The following SMIM14 variants were observed in gnomAD, a reference collection of about 807,000 sequenced individuals.
SMIM14 encodes the protein chromosome 4 open reading frame 34.
SMIM14 carries 5 observed loss-of-function variants against 12.6 expected under a neutral mutation model. The observed-to-expected ratio is 0.40, with a 90% CI of 0.21 to 0.83. The LOEUF (loss-of-function observed/expected upper bound fraction) is 0.83, where lower values mean the gene tolerates loss of function less well. SMIM14 is among the 40% of genes least tolerant of loss of function. The pLI, the probability that SMIM14 is intolerant of heterozygous loss-of-function variation, is 0.37. For synonymous variants in SMIM14, 30 were observed against 40.1 expected (o/e 0.75, Z 0.95); for missense variants, 86 against 119.1 (o/e 0.72, Z 1.29).
chr4:39,586,800 T>C (rs1578335321), intron 2 of SMIM14, among the ~76,000 whole-genome samples: 1 of 152,090 alleles, frequency 6.6e-6, no homozygotes, highest in Admixed American at 6.6e-5. Flanking sequence ...ACAAATACTA[T>C]GGGCCAGGTA....
intron 1 of SMIM14, among the ~76,000 whole-genome samples, chr4:39,627,590 T>C (rs1262944751): frequency 6.6e-6 from 1 of 152,212 alleles, no homozygotes; most frequent in Non-Finnish European, 1.5e-5. Context: ...CTGAAAAAGT[T>C]TTAAAACTTG....
chr4:39,628,616 A>T (rs1715788519), intron 1 of SMIM14, among the ~76,000 whole-genome samples: 2 of 151,466 alleles, frequency 1.3e-5, no homozygotes, highest in South Asian at 4.2e-4. Flanking sequence ...TGGTAGGAGG[A>T]GGTTGCAGTG....
At chr4:39,588,717 T>C (rs868379301) in intron 2 of SMIM14, among the ~76,000 whole-genome samples, 2 of 152,020 alleles carry the variant, frequency 1.3e-5, no homozygotes, top group Middle Eastern at 3.2e-3. Context: ...CCAATTCATC[T>C]AGGAAAGTAG....
At chr4:39,599,847 G>A (rs781597620) in intron 2 of SMIM14, among the ~76,000 whole-genome samples, 8 of 151,638 alleles carry the variant, frequency 5.3e-5, no homozygotes, top group South Asian at 2.1e-4. Context: ...GCTTGAACCC[G>A]GGAAGCGGAG....
intron 4 of SMIM14, among the ~76,000 whole-genome samples, chr4:39,552,555 A>G (rs1308077640): frequency 6.6e-6 from 1 of 152,230 alleles, no homozygotes; most frequent in African/African-American, 2.4e-5. Context: ...TGTATATTTA[A>G]AATGAAGCTA....
chr4:39,565,225 GA>G (rs1712512460), intron 3 of SMIM14, among the ~76,000 whole-genome samples: 1 of 152,068 alleles, frequency 6.6e-6, no homozygotes, highest in Admixed American at 6.6e-5. Flanking sequence ...CTCCAGAAAA[GA>G]AAAGAAAAAG....
chr4:39,629,383 C>CATATATATATATATAT (rs71645114), intron 1 of SMIM14, among the ~76,000 whole-genome samples: 2 of 118,302 alleles, frequency 1.7e-5, no homozygotes, highest in Non-Finnish European at 3.2e-5. Context: ...AAAAAAGATA[C>CATATATATATATATAT]ATATATATAT....
At chr4:39,562,774 T>C (rs890774551) in intron 3 of SMIM14, among the ~76,000 whole-genome samples, 5 of 142,794 alleles carry the variant, frequency 3.5e-5, no homozygotes, top group African/African-American at 1.5e-4. Context: ...CCCAAAGTTC[T>C]GGAATTACAG....
At chr4:39,557,797 GCTT>G (rs1448327315) in intron 3 of SMIM14, among the ~76,000 whole-genome samples, 1 of 152,096 alleles carries the variant, frequency 6.6e-6, no homozygotes, top group African/African-American at 2.4e-5. Flanking sequence ...GGAAAAATCT[GCTT>G]CTTAATTACA....
Position 39,572,236 on chromosome 4 carries a change from G to C in SMIM14, c.124+179C>G, listed in dbSNP as rs542915967. On this transcript the variant is annotated intron_variant, in intron 3 of 4. Coordinates refer to ENST00000295958, the MANE Select transcript of SMIM14 (RefSeq NM_174921.3). ...TACTGAGAACCATTTTCTTATTAAAGAGCAAACTATGAGAATAATTTCTTT... is the reference window on the plus strand; with the variant it reads ...TACTGAGAACCATTTTCTTATTAAACAGCAAACTATGAGAATAATTTCTTT... Among the ~76,000 whole-genome samples, 105 of 145,066 alleles carry C rather than the reference G, an allele frequency of 7.2e-4. 1 individual carries two copies. The highest frequency in any genetic ancestry group is 2.6e-3 in the African/African-American group (104 of 39,308).
intron 3 of SMIM14, among the ~76,000 whole-genome samples, chr4:39,556,842 C>T (rs552157856): frequency 2.0e-5 from 3 of 152,086 alleles, no homozygotes; most frequent in South Asian, 4.1e-4. Context: ...GGCTGGAGTG[C>T]GGTGGCACAA....
intron 1 of SMIM14, among the ~76,000 whole-genome samples, chr4:39,636,339 T>TA (rs1716090818): frequency 6.6e-6 from 1 of 152,100 alleles, no homozygotes; most frequent in Non-Finnish European, 1.5e-5. Flanking sequence ...AAAAACTACT[T>TA]AAACTTTCAT....
In SMIM14 at chr4:39,582,786, T is replaced by C. The variant is rs528718818; in HGVS notation, c.76-10323A>G. 1.3e-3 allele frequency among the ~76,000 whole-genome samples: 205 copies of C among 152,170 alleles called. 3 individuals carry two copies. The highest frequency in any genetic ancestry group is 4.8e-3 in the African/African-American group (197 of 41,464). On this transcript the variant is annotated intron_variant, in intron 2 of 4. Coordinates refer to ENST00000295958, the MANE Select transcript of SMIM14 (RefSeq NM_174921.3). ...AATGGCATTTGTGTTTCACCTTTAA[T>C]TTTTTATTTTTATTTATTTATTTTT...
chr4:39,607,629 T>C (rs1215703179), intron 1 of SMIM14, among the ~76,000 whole-genome samples: 1 of 152,180 alleles, frequency 6.6e-6, no homozygotes, highest in Non-Finnish European at 1.5e-5. Flanking sequence ...CAAAAACTGA[T>C]AGTTCTTACC....
At chr4:39,554,921 C>T (rs935913838) in intron 4 of SMIM14, among the ~76,000 whole-genome samples, 43 of 148,442 alleles carry the variant, frequency 2.9e-4, no homozygotes, top group African/African-American at 1.0e-3. Context: ...CTGCAACCTC[C>T]ATCTCCTGGG....
chr4:39,587,103 G>A (rs969467885), intron 2 of SMIM14, among the ~76,000 whole-genome samples: 5 of 151,950 alleles, frequency 3.3e-5, no homozygotes, highest in African/African-American at 4.8e-5. Flanking sequence ...ATTTTGGGGG[G>A]AAGGTACACA....
At chr4:39,614,185 CAA>C (rs60332502) in intron 1 of SMIM14, among the ~76,000 whole-genome samples, 487 of 102,266 alleles carry the variant, frequency 4.8e-3, no homozygotes, top group Non-Finnish European at 7.4e-3. Flanking sequence ...AACTCCATTA[CAA>C]AAAAAAAAAA....
Position 39,638,669 on chromosome 4 carries a change from C to A in SMIM14, c.-36+70G>T. 4.1e-6 allele frequency: 4 copies of A among 977,196 alleles called. 1 individual carries two copies. Among genetic ancestry groups the A allele is most frequent in the Non-Finnish European group, 4.9e-6 (4 of 822,358 alleles). 60.5% of individuals were successfully genotyped at this position (977,196 alleles called of 1,614,324 possible). On this transcript the variant is annotated intron_variant, in intron 1 of 4. Coordinates refer to ENST00000295958, the MANE Select transcript of SMIM14 (RefSeq NM_174921.3). ...CCGCAGTCCCCGAGAGCCTGAGGAGCCCCCAGGAAAAACTGGGGCGAGGGG... is the reference window on the plus strand; with the variant it reads ...CCGCAGTCCCCGAGAGCCTGAGGAGACCCCAGGAAAAACTGGGGCGAGGGG...
chr4:39,553,129 C>T (rs1020415088), intron 4 of SMIM14, among the ~76,000 whole-genome samples: 2 of 149,682 alleles, frequency 1.3e-5, no homozygotes, highest in African/African-American at 2.5e-5. Flanking sequence ...GGTGAGATCT[C>T]GGCTCACTGC....
Sources: allele counts gnomAD v4.1 joint callset (sites outside exome capture counted in the v4.1 genomes callset), GRCh38; gene constraint gnomAD v4.1.1; transcripts MANE v1.5; gene names NCBI Gene and HGNC (gene_info 2026-07-23, HGNC 2026-07-21).